Variants in PFKFB2 observed in about 807,000 individuals in gnomAD.
The protein encoded by PFKFB2 is 6-phosphofructo-2-kinase/fructose-2,6-biphosphatase 2.
A neutral mutation model predicts 68.0 loss-of-function variants in PFKFB2; 53 were observed. The observed-to-expected ratio is 0.78, with a 90% CI of 0.63 to 0.98. The LOEUF (loss-of-function observed/expected upper bound fraction) is 0.98, where lower values mean the gene tolerates loss of function less well. Among genes scored for constraint, PFKFB2 ranks in the 50% least tolerant of loss-of-function variants. The probability of loss-of-function intolerance (pLI) is 0.00; values close to 1 mark genes in which losing one functional copy is unlikely to be tolerated. For missense variants in PFKFB2, 451 were observed against 642.0 expected (o/e 0.70, Z 3.22); for synonymous variants, 222 against 227.6 (o/e 0.98, Z 0.22).
Position 207,073,344 on chromosome 1 carries a change from T to G in PFKFB2, c.*973T>G, listed in dbSNP as rs1683524631. ...CCATGACTCTCAGGTTCTTTGCCAA[T>G]CACAGCAACTTTTCCTGCCAAAGCC... is the stretch of plus-strand genomic sequence containing the variant. On this transcript the variant is annotated 3_prime_UTR_variant, in exon 15 of 15. Coordinates refer to ENST00000367080, the MANE Select transcript of PFKFB2 (RefSeq NM_006212.2). The G allele has an allele frequency of 1.0e-6, 1 of 985,320 alleles. No individual in the cohort carries two copies. Among genetic ancestry groups the G allele is most frequent in the South Asian group, 4.7e-5 (1 of 21,294 alleles). 61.0% of individuals were successfully genotyped at this position (985,320 alleles called of 1,614,324 possible).
rs1676930011 is a variant in PFKFB2, at chr1:207,075,112, A to G, written c.*2741A>G. On this transcript the variant is annotated 3_prime_UTR_variant, in exon 15 of 15. Transcript: ENST00000367080. ...ACTTTGATCCACAGACTTTGGATTAACACTGTACCCACTCTTAGCAAAAGG... is the reference window on the plus strand; with the variant it reads ...ACTTTGATCCACAGACTTTGGATTAGCACTGTACCCACTCTTAGCAAAAGG... 6 of 985,346 alleles carry G rather than the reference A, an allele frequency of 6.1e-6. No homozygotes were observed. Among genetic ancestry groups the G allele is most frequent in the South Asian group, 4.7e-5 (1 of 21,292 alleles). 61.0% of individuals were successfully genotyped at this position (985,346 alleles called of 1,614,324 possible).
intron 8 of PFKFB2, 139 bp downstream of exon 8, chr1:207,065,299 G>A: frequency 2.1e-6 from 3 of 1,450,512 alleles, no homozygotes; most frequent in African/African-American, 2.8e-5. Flanking sequence ...AATAAGGTAT[G>A]GATTTGTGGC....
chr1:207,078,637 G>A (rs545138698), downstream of PFKFB2, among the ~76,000 whole-genome samples: 141 of 152,304 alleles, frequency 9.3e-4, no homozygotes, highest in Admixed American at 1.5e-3. Context: ...TAGCCTACAC[G>A]ATTTCCTTCT....
In PFKFB2 at chr1:207,053,597, C is replaced by T. The variant is rs75270349; in HGVS notation, c.-18+231C>T. 7.3e-3 allele frequency among the ~76,000 whole-genome samples: 1,109 copies of T among 152,276 alleles called. 15 individuals carry two copies. The highest frequency in any genetic ancestry group is 0.025 in the African/African-American group (1,037 of 41,582). On this transcript the variant is annotated intron_variant, in intron 1 of 14. Transcript: ENST00000367080. ...AGGATCTTCCGTCCTCACCAGCCCC[C>T]TGTTGTCTGAATTGGGGGCATGAGC...
In PFKFB2 at chr1:207,074,786, C is replaced by A; in HGVS notation, c.*2415C>A. 1.0e-6 allele frequency: 1 copy of A among 985,414 alleles called. No homozygotes were observed. The allele number at this position is 985,414 out of a possible 1,614,324, so 61.0% of individuals were successfully genotyped here. On this transcript the variant is annotated 3_prime_UTR_variant, in exon 15 of 15. Transcript: ENST00000367080. ...AAGAGACAGGACATGTAATTTATAA[C>A]AAATGGACATTTGCAATATAGCAAC...
At chr1:207,049,025 C>T (rs918185011), upstream of PFKFB2, 9 of 1,612,752 alleles carry the variant, frequency 5.6e-6, no homozygotes, top group South Asian at 9.9e-5. Flanking sequence ...ATAGGTCACA[C>T]TTCTCCAAAG....
At chr1:207,061,162 TC>T in intron 2 of PFKFB2, among the ~76,000 whole-genome samples, 1 of 57,728 alleles carries the variant, frequency 1.7e-5, no homozygotes, top group Non-Finnish European at 3.0e-5. Flanking sequence ...TTTATATATA[TC>T]TTTATATATA....
chr1:207,071,247 T>C lies in PFKFB2; in HGVS notation c.1282T>C (p.Tyr428His). Residue 428 changes from tyrosine (Y) to histidine (H), a missense_variant, in exon 13 of 15, where the codon TAT becomes CAT. Tyr to His is a moderately conservative substitution (Grantham distance 83). Coordinates refer to ENST00000367080, the MANE Select transcript of PFKFB2 (RefSeq NM_006212.2). ...CATCTTCAAACTTACTCCTGTGGCC[T>C]ATGGTAACTATGCACATAGGGGCTG... ...HTIFKLTPVA[Y>H]GCKVETIKLN... 1 of 1,611,240 alleles carries C rather than the reference T, an allele frequency of 6.2e-7. No individual in the cohort carries two copies. The highest frequency in any genetic ancestry group is 8.5e-7 in the Non-Finnish European group (1 of 1,177,366).
chr1:207,044,293 CA>C (rs1682541774), intron 2 of PFKFB2: 1 of 152,520 alleles, frequency 6.6e-6, no homozygotes, highest in Non-Finnish European at 1.5e-5. Context: ...AGGCTGAATT[CA>C]AATTTTTTTC....
In PFKFB2 at chr1:207,070,245, G is replaced by T; in HGVS notation, c.1093-35G>T. 6.2e-7 allele frequency: 1 copy of T among 1,610,886 alleles called. No individual in the cohort carries two copies. The highest frequency in any genetic ancestry group is 2.2e-5 in the East Asian group (1 of 44,774). ...CTGACTTGGCTGCCAGCTTGCACCT[G>T]GGCTCCTGCCAGCCTGCCCCATTTC... is the stretch of plus-strand genomic sequence containing the variant. On this transcript the variant is annotated intron_variant, in intron 11 of 14. Transcript: ENST00000367080. The surrounding 1 kb of genome is among the most constrained non-coding windows in gnomAD (Gnocchi z 4.2).
At chr1:207,061,097 C>A (rs1393567346) in intron 2 of PFKFB2, among the ~76,000 whole-genome samples, 4 of 69,946 alleles carry the variant, frequency 5.7e-5, no homozygotes, top group African/African-American at 1.8e-4. Flanking sequence ...TTATATATAT[C>A]TTTATATATA....
intron 7 of PFKFB2, 66 bp from the exon 8 acceptor site, chr1:207,064,970 C>G: frequency 6.5e-7 from 1 of 1,529,338 alleles, no homozygotes; most frequent in Non-Finnish European, 8.8e-7. Context: ...TTAGCAGTGG[C>G]TATTTGTAGG....
chr1:207,074,151 A>C lies in PFKFB2; in HGVS notation c.*1780A>C. 1 of 981,130 alleles carries C rather than the reference A, an allele frequency of 1.0e-6. No individual in the cohort carries two copies. The highest frequency in any genetic ancestry group is 1.2e-6 in the Non-Finnish European group (1 of 825,972). The allele number at this position is 981,130 out of a possible 1,614,324, so 60.8% of individuals were successfully genotyped here. ...GTAGCTTCCCGGATGATTCTGATTC[A>C]TAGCTCGGGTTAAGAACTCCACCTT... On this transcript the variant is annotated 3_prime_UTR_variant, in exon 15 of 15. Coordinates refer to ENST00000367080, the MANE Select transcript of PFKFB2 (RefSeq NM_006212.2).
Position 207,063,040 on chromosome 1 carries a change from A to T in PFKFB2, c.309-103A>T. On this transcript the variant is annotated intron_variant, in intron 4 of 14. Transcript: ENST00000367080. The surrounding 1 kb of genome is among the most constrained non-coding windows in gnomAD (Gnocchi z 4.1). ...TAGAGAAAGGTTTTGAACAGTGGGA[A>T]ACTAAGTGGGCAGGGATGTGACTTC... The T allele has an allele frequency of 1.0e-6, 1 of 966,628 alleles. No homozygotes were observed. Among genetic ancestry groups the T allele is most frequent in the South Asian group, 1.3e-5 (1 of 77,340 alleles). The allele number at this position is 966,628 out of a possible 1,614,324, so 59.9% of individuals were successfully genotyped here. A position where few individuals can be genotyped will look rare whatever the true frequency, so the allele number is the denominator to read the frequency against.
rs1683402175 is a variant in PFKFB2, at chr1:207,069,470, C to T, written c.1034C>T (p.Pro345Leu). 6.2e-7 allele frequency: 1 copy of T among 1,614,034 alleles called. No homozygotes were observed. The highest frequency in any genetic ancestry group is 8.5e-7 in the Non-Finnish European group (1 of 1,179,932). Residue 345 changes from proline (P) to leucine (L), a missense_variant, in exon 11 of 15, where the codon CCA becomes CTA. Transcript: ENST00000367080. ...MTYAEIEKRY[P>L]EEFALRDQEK... is the part of the protein sequence containing the mutation. Reference sequence around the variant, plus strand: ...TATGCAGAGATTGAGAAACGGTACCCAGAAGAGTTTGCACTTCGAGATCAA... The same window carrying T: ...TATGCAGAGATTGAGAAACGGTACCTAGAAGAGTTTGCACTTCGAGATCAA...
intron 2 of PFKFB2, among the ~76,000 whole-genome samples, chr1:207,057,740 G>A (rs1033722900): frequency 2.6e-5 from 4 of 152,050 alleles, no homozygotes; most frequent in South Asian, 2.1e-4. Flanking sequence ...GGTTCATATT[G>A]TTCATATTCT....
chr1:207,036,111 C>T (rs530242163), intron 1 of PFKFB2, among the ~76,000 whole-genome samples: 2 of 152,062 alleles, frequency 1.3e-5, no homozygotes, highest in Non-Finnish European at 2.9e-5. Flanking sequence ...GAGGGATCTG[C>T]CCCCATGACC....
chr1:207,048,994 G>A, upstream of PFKFB2: 3 of 1,593,814 alleles, frequency 1.9e-6, no homozygotes, highest in Admixed American at 1.7e-5. Flanking sequence ...TGAGGTAGTA[G>A]GCTTCAACCC....
In PFKFB2 at chr1:207,075,122, C is replaced by T; in HGVS notation, c.*2751C>T. The T allele has an allele frequency of 1.0e-5, 10 of 985,428 alleles. No homozygotes were observed. Among genetic ancestry groups the T allele is most frequent in the Non-Finnish European group, 1.2e-5 (10 of 829,946 alleles). 61.0% of individuals were successfully genotyped at this position (985,428 alleles called of 1,614,324 possible). On this transcript the variant is annotated 3_prime_UTR_variant, in exon 15 of 15. Transcript: ENST00000367080. ...ACAGACTTTGGATTAACACTGTACC[C>T]ACTCTTAGCAAAAGGGGACTTCTCT...
Sources: gnomAD v4.1 joint callset for allele counts (sites outside exome capture counted in the v4.1 genomes callset) on GRCh38, gnomAD v4.1.1 for gene constraint, Gnocchi (gnomAD v3.1) non-coding constraint, MANE v1.5 for transcripts, NCBI Gene and HGNC (gene_info 2026-07-23, HGNC 2026-07-21) for gene names.